TRPM8: variants seen among roughly 807,000 people sequenced by gnomAD.
TRPM8 encodes TRPM8 cationic channel.
TRPM8 carries 110 observed loss-of-function variants against 133.7 expected under a neutral mutation model. That is an observed-to-expected ratio of 0.82 (90% CI 0.70 to 0.96). The LOEUF (loss-of-function observed/expected upper bound fraction) is 0.96. Among genes scored for constraint, TRPM8 ranks in the 40% least tolerant of loss-of-function variants. The probability of loss-of-function intolerance (pLI) is 0.00; values close to 1 mark genes in which losing one functional copy is unlikely to be tolerated. For missense variants in TRPM8, 1,291 were observed against 1,379.5 expected (o/e 0.94, Z 1.02); for synonymous variants, 535 against 532.3 (o/e 1.01, Z -0.07).
chr2:233,927,843 CCTTCCTTCCTTT>C (rs1362951283), intron 2 of TRPM8, among the ~76,000 whole-genome samples: 1,596 of 56,282 alleles, frequency 0.028, 187 homozygotes, highest in Middle Eastern at 0.051. Context: ...TTCCTTCCTT[CCTTCCTTCCTTT>C]CTTTCTCTTT....
chr2:233,988,818 G>A (rs1013754218), intron 21 of TRPM8, among the ~76,000 whole-genome samples: 2 of 152,210 alleles, frequency 1.3e-5, no homozygotes. Context: ...AAAAGTCAGA[G>A]GGGCCAACAT....
rs149382347 is a variant in TRPM8 at position 233,970,353 on chromosome 2, A to G, written c.2282A>G (p.His761Arg). The part of the protein sequence containing the change: ...LFAYVLLMDF[H>R]SVPHPPELVL... Reference sequence around the variant, plus strand: ...GCCTACGTGCTGCTCATGGATTTCCATTCGGTGCCACACCCCCCCGAGCTG... The same window carrying G: ...GCCTACGTGCTGCTCATGGATTTCCGTTCGGTGCCACACCCCCCCGAGCTG... Residue 761 changes from histidine to arginine, a missense_variant, in exon 17 of 26, where the codon CAT (histidine) becomes CGT (arginine). Physicochemically the swap from His to Arg is conservative, Grantham distance 29 (BLOSUM62 0). Around this residue, in one of 2 missense-constraint regions of TRPM8, gnomAD observed 963 missense variants for 968.9 expected, o/e 0.99. Transcript: ENST00000324695. 65 of 1,613,898 alleles carry G rather than the reference A, an allele frequency of 4.0e-5. No individual in the cohort carries two copies. Among genetic ancestry groups the G allele is most frequent in the Non-Finnish European group, 5.2e-5 (61 of 1,180,008 alleles).
Position 233,924,321 on chromosome 2 carries a change from C to T in TRPM8, c.-5-2212C>T, listed in dbSNP as rs1691469612. Among the ~76,000 whole-genome samples the T allele has an allele frequency of 4.6e-5, 7 of 152,340 alleles. No individual in the cohort carries two copies. In the South Asian group the frequency reaches 1.5e-3, roughly 32 times the overall value. ...CATGACGCACCAAGGGATCGGCTTT[C>T]TCCCCCTGCCTTTCCCGTTCTATCT... is the stretch of plus-strand genomic sequence containing the variant. On this transcript the variant is annotated intron_variant, in intron 1 of 25. Coordinates refer to ENST00000324695, the MANE Select transcript of TRPM8 (RefSeq NM_024080.5).
chr2:233,997,695 G>T (rs944626620), intron 22 of TRPM8, among the ~76,000 whole-genome samples: 1 of 152,084 alleles, frequency 6.6e-6, no homozygotes, highest in East Asian at 1.9e-4. Context: ...CTGGTTTCCA[G>T]GGGTCCACCA....
intron 11 of TRPM8, among the ~76,000 whole-genome samples, chr2:233,956,159 T>A (rs188944220): frequency 2.6e-5 from 4 of 152,262 alleles, no homozygotes; most frequent in Non-Finnish European, 5.9e-5. Context: ...TGCTCTTGAA[T>A]CATCCCAAGA....
rs145590398 is a variant in TRPM8, at chr2:233,931,570, C to T, written c.191+829C>T. 4.4e-3 allele frequency among the ~76,000 whole-genome samples: 665 copies of T among 152,318 alleles called. 4 individuals are homozygous for T. Among genetic ancestry groups the T allele is most frequent in the Admixed American group, 8.0e-3 (122 of 15,306 alleles). Reference sequence around the variant, plus strand: ...CTTGGCTGACTCCTCACTGTGTGGCCTTGAGCCAATTATTCTCTTTTCTAA... The same window carrying T: ...CTTGGCTGACTCCTCACTGTGTGGCTTTGAGCCAATTATTCTCTTTTCTAA... On this transcript the variant is annotated intron_variant, in intron 3 of 25. Coordinates refer to ENST00000324695, the MANE Select transcript of TRPM8 (RefSeq NM_024080.5).
At chr2:233,930,267 C>G (rs10490010) in intron 2 of TRPM8, among the ~76,000 whole-genome samples, 16,730 of 152,088 alleles carry the variant, frequency 0.11, 1,041 homozygotes, top group East Asian at 0.22. Flanking sequence ...CATTTATGAA[C>G]GGTTTTTGGA....
intron 11 of TRPM8, among the ~76,000 whole-genome samples, chr2:233,960,120 CTAGAGA>C (rs1220001930): frequency 1.3e-5 from 2 of 152,068 alleles, no homozygotes; most frequent in Admixed American, 6.6e-5. Flanking sequence ...GAATGTAGAG[CTAGAGA>C]TAGACAACAA....
At chr2:233,986,363 G>T (rs748547458) in intron 21 of TRPM8, among the ~76,000 whole-genome samples, 4 of 152,236 alleles carry the variant, frequency 2.6e-5, no homozygotes, top group Non-Finnish European at 5.9e-5. Flanking sequence ...GCCTGATGAG[G>T]TTGGAGGGAA....
Position 233,975,387 on chromosome 2 carries a change from G to A in TRPM8, c.2356-4801G>A, listed in dbSNP as rs180949283. Among the ~76,000 whole-genome samples the A allele has an allele frequency of 5.9e-5, 9 of 152,312 alleles. No homozygotes were observed. In the East Asian group the frequency reaches 1.7e-3, roughly 29 times the overall value. ...CAGCCCCACAGCCAGGAGCTCAAGG[G>A]TGTTCTCTAGGGCAGAGGGCGCTTT... On this transcript the variant is annotated intron_variant, in intron 17 of 25. Transcript: ENST00000324695.
chr2:233,922,646 G>A (rs149941570), intron 1 of TRPM8, among the ~76,000 whole-genome samples: 1 of 152,136 alleles, frequency 6.6e-6, no homozygotes, highest in African/African-American at 2.4e-5. Flanking sequence ...GTGAGTGTTT[G>A]CCTTCCTTGT....
intron 22 of TRPM8, among the ~76,000 whole-genome samples, chr2:234,001,168 T>G (rs1183778330): frequency 6.6e-6 from 1 of 152,124 alleles, no homozygotes; most frequent in Non-Finnish European, 1.5e-5. Context: ...ATAAGGAGTG[T>G]GCCTCTCACA....
At chr2:233,997,857 C>T (rs983500528) in intron 22 of TRPM8, among the ~76,000 whole-genome samples, 2 of 152,288 alleles carry the variant, frequency 1.3e-5, no homozygotes, top group East Asian at 3.9e-4. Flanking sequence ...CTCCCTACCC[C>T]TGAAGTGGTA....
At chr2:233,976,773 C>T (rs1000203649) in intron 17 of TRPM8, among the ~76,000 whole-genome samples, 3 of 152,128 alleles carry the variant, frequency 2.0e-5, no homozygotes, top group Non-Finnish European at 2.9e-5. Context: ...CATCCGAGGG[C>T]TTTTCTGGCC....
intron 2 of TRPM8, 73 bp from the exon 3 acceptor site, chr2:233,930,595 T>G: frequency 1.0e-6 from 1 of 1,000,308 alleles, no homozygotes; most frequent in East Asian, 2.5e-5. Context: ...TTACATCATA[T>G]TTAGTATTCA....
rs1691688738 is a variant in TRPM8, at chr2:233,970,546, G to A, written c.2355+120G>A. The A allele has an allele frequency of 5.2e-6, 5 of 957,988 alleles. No individual in the cohort carries two copies. The South Asian group carries it at 5.7e-5, about 11-fold the overall frequency. 59.3% of individuals were successfully genotyped at this position (957,988 alleles called of 1,614,324 possible). On this transcript the variant is annotated intron_variant, in intron 17 of 25. Transcript: ENST00000324695. ...AAGTCACTATTTTCCCAAAATAAAT[G>A]TTCTCTTTGGGTGCTAGTCCATGAG...
intron 20 of TRPM8, among the ~76,000 whole-genome samples, chr2:233,983,590 A>G (rs1424441809): frequency 1.3e-5 from 2 of 152,214 alleles, no homozygotes; most frequent in East Asian, 1.9e-4. Flanking sequence ...AAAAAGAGCA[A>G]CATTGGAAAA....
At chr2:233,920,942 C>T (rs912635460) in intron 1 of TRPM8, among the ~76,000 whole-genome samples, 72 of 151,484 alleles carry the variant, frequency 4.8e-4, no homozygotes, top group Non-Finnish European at 6.3e-4. Context: ...CCGCAACCTC[C>T]GCCTCCTGGA....
At chr2:233,985,943 G>C in intron 21 of TRPM8, 78 bp downstream of exon 21, 1 of 1,364,100 alleles carries the variant, frequency 7.3e-7, no homozygotes, top group African/African-American at 1.4e-5. Flanking sequence ...TGGGAGCATC[G>C]CAAAGGTCCC....
Sources: gnomAD v4.1 joint callset for allele counts (sites outside exome capture counted in the v4.1 genomes callset) on GRCh38, gnomAD v4.1.1 for gene constraint, gnomAD v4.1.1 regional missense constraint, MANE v1.5 for transcripts, NCBI Gene and HGNC (gene_info 2026-07-23, HGNC 2026-07-21) for gene names.